TAS2R1: variants seen among roughly 807,000 people sequenced by gnomAD.
TAS2R1 encodes taste 2 receptor member 1.
For missense variants in TAS2R1, 370 were observed against 353.4 expected (o/e 1.05, Z -0.38); for synonymous variants, 141 against 134.2 (o/e 1.05, Z -0.35).
chr5:9,646,767 A>G (rs1740197295), intron 2 of TAS2R1, among the ~76,000 whole-genome samples: 1 of 152,102 alleles, frequency 6.6e-6, no homozygotes, highest in African/African-American at 2.4e-5. Flanking sequence ...AGAATGTGGG[A>G]CCAGCCTTTG....
At chr5:9,879,888 G>C in the TAS2R1 span, among the ~76,000 whole-genome samples, 1 of 152,160 alleles carries the variant, frequency 6.6e-6, no homozygotes, top group Admixed American at 6.5e-5. Flanking sequence ...GGCTGGGTTG[G>C]CAGTGGGGTC....
At chr5:9,747,344 G>A in the TAS2R1 span, among the ~76,000 whole-genome samples, 1 of 152,092 alleles carries the variant, frequency 6.6e-6, no homozygotes, top group East Asian at 1.9e-4. Flanking sequence ...AATTTATAAA[G>A]GAAAGAGGTT....
intron 2 of TAS2R1, chr5:9,641,411 T>A (rs1351790428): frequency 6.6e-6 from 1 of 152,228 alleles, no homozygotes; most frequent in Non-Finnish European, 1.5e-5. Context: ...ATTTTTTTCA[T>A]TACATAATTT....
chr5:9,677,591 T>A (rs572318502), intron 1 of TAS2R1, among the ~76,000 whole-genome samples: 3 of 152,170 alleles, frequency 2.0e-5, no homozygotes, highest in African/African-American at 7.2e-5. Flanking sequence ...GCATCATACA[T>A]GATTATGAAA....
chr5:9,632,866 C>T (rs1227084937), upstream of TAS2R1, among the ~76,000 whole-genome samples: 6 of 152,010 alleles, frequency 3.9e-5, no homozygotes, highest in South Asian at 2.1e-4. Flanking sequence ...AATTCTTTTA[C>T]ACTCCTGTTA....
intron 1 of TAS2R1, among the ~76,000 whole-genome samples, chr5:9,693,800 T>C (rs1044704861): frequency 3.9e-5 from 6 of 152,146 alleles, no homozygotes; most frequent in African/African-American, 1.4e-4. Context: ...ATCACACAGC[T>C]GCAGTTAACT....
the TAS2R1 span, among the ~76,000 whole-genome samples, chr5:9,895,995 T>C: frequency 0.52 from 78,361 of 152,056 alleles, 20,935 homozygotes; most frequent in East Asian, 0.92. Context: ...GCCTCTAAAA[T>C]TTCTATGATG....
At chr5:9,757,764 A>G in the TAS2R1 span, among the ~76,000 whole-genome samples, 1 of 152,178 alleles carries the variant, frequency 6.6e-6, no homozygotes. Flanking sequence ...GAAAAACATA[A>G]TTACCACTGA....
chr5:9,754,521 T>C, the TAS2R1 span, among the ~76,000 whole-genome samples: 1 of 152,152 alleles, frequency 6.6e-6, no homozygotes, highest in African/African-American at 2.4e-5. Context: ...TAGCCCAAAG[T>C]CTCCTTAAGC....
chr5:9,890,374 C>G, the TAS2R1 span, among the ~76,000 whole-genome samples: 30 of 152,178 alleles, frequency 2.0e-4, no homozygotes, highest in Admixed American at 2.0e-4. Context: ...CCCCCTAGAA[C>G]CTACTACTCC....
the TAS2R1 span, among the ~76,000 whole-genome samples, chr5:9,837,679 C>T: frequency 0.059 from 9,052 of 152,288 alleles, 639 homozygotes; most frequent in East Asian, 0.23. Flanking sequence ...CACGTCTCCA[C>T]TGGAAACACC....
rs142088337 is a variant in TAS2R1, at chr5:9,643,518, T to C, written c.-80-13526A>G. ...AGTCAGTGAGTGAGAGGTGAGTGAA[T>C]GTGAAGGCGTAGGACATTACCCTAC... On this transcript the variant is annotated intron_variant, in intron 2 of 2. Coordinates refer to the TAS2R1 transcript ENST00000506620. 4.4e-3 allele frequency among the ~76,000 whole-genome samples: 675 copies of C among 152,248 alleles called. 4 individuals carry two copies. The highest frequency in any genetic ancestry group is 9.0e-3 in the Admixed American group (138 of 15,284).
chr5:9,827,069 G>A, the TAS2R1 span, among the ~76,000 whole-genome samples: 1 of 152,016 alleles, frequency 6.6e-6, no homozygotes, highest in Non-Finnish European at 1.5e-5. Flanking sequence ...AAATCTATAT[G>A]CAACTGCTGA....
At chr5:9,736,182 T>C in the TAS2R1 span, among the ~76,000 whole-genome samples, 24 of 152,360 alleles carry the variant, frequency 1.6e-4, no homozygotes, top group Admixed American at 6.5e-4. Context: ...AACCCCTGCC[T>C]AGCATCCCTC....
chr5:9,893,320 G>C, the TAS2R1 span, among the ~76,000 whole-genome samples: 1 of 151,224 alleles, frequency 6.6e-6, no homozygotes, highest in Non-Finnish European at 1.5e-5. Flanking sequence ...TCTAGTCCAT[G>C]TTTTCTTTTG....
chr5:9,886,019 T>A, the TAS2R1 span, among the ~76,000 whole-genome samples: 5 of 152,070 alleles, frequency 3.3e-5, no homozygotes, highest in East Asian at 9.7e-4. Flanking sequence ...CAAATATGAT[T>A]TTTTTATATA....
chr5:9,653,447 G>A (rs1740349086), intron 2 of TAS2R1, among the ~76,000 whole-genome samples: 1 of 152,086 alleles, frequency 6.6e-6, no homozygotes, highest in Admixed American at 6.6e-5. Context: ...CTACCTTTTG[G>A]TTGTTGTGAA....
chr5:9,744,455 G>A, the TAS2R1 span, among the ~76,000 whole-genome samples: 1 of 152,138 alleles, frequency 6.6e-6, no homozygotes, highest in Non-Finnish European at 1.5e-5. Flanking sequence ...ATCACACCCT[G>A]GTAATCAAAA....
intron 2 of TAS2R1, among the ~76,000 whole-genome samples, chr5:9,637,197 G>A (rs113158780): frequency 0.019 from 2,952 of 152,238 alleles, 47 homozygotes; most frequent in Non-Finnish European, 0.031. Flanking sequence ...GCTTAGTTTT[G>A]CTGGGTACAA....
Sources: allele counts gnomAD v4.1 joint callset (sites outside exome capture counted in the v4.1 genomes callset), GRCh38; gene constraint gnomAD v4.1.1; transcripts MANE v1.5; gene names NCBI Gene and HGNC (gene_info 2026-07-23, HGNC 2026-07-21).